Variants in THBS1 observed in about 807,000 individuals in gnomAD.
The protein encoded by THBS1 is thrombospondin-1.
In THBS1, 29 loss-of-function variants were observed where a neutral mutation model predicts 126.1. The observed-to-expected ratio is 0.23, with a 90% confidence interval of 0.17 to 0.31. THBS1 has a LOEUF of 0.31. THBS1 is among the 10% of genes least tolerant of loss of function. The probability of loss-of-function intolerance (pLI) is 1.00; values close to 1 mark genes in which losing one functional copy is unlikely to be tolerated. For synonymous variants in THBS1, 496 were observed against 577.8 expected, an observed-to-expected ratio of 0.86 and a Z score of 2.03; for missense variants, 1,198 against 1,545.2, an observed-to-expected ratio of 0.78 and a Z score of 3.77.
chr15:39,591,010 T>A (rs1373932898), intron 14 of THBS1, 181 bp from the exon 15 acceptor site: 1 of 676,800 alleles, frequency 1.5e-6, no homozygotes, highest in African/African-American at 1.8e-5. Flanking sequence ...GGATCCATTT[T>A]TTTAACTATG....
rs970025708 is a variant in THBS1, at chr15:39,582,479, C to T, written c.354C>T (p.Ser118=). The T allele has an allele frequency of 5.6e-6, 9 of 1,614,156 alleles. No homozygotes were observed. The South Asian group carries it at 6.6e-5, about 12-fold the overall frequency. The part of the protein sequence containing the change: ...ERKDHSGQVF[S]VVSNGKAGTL... ...AAGACCACTCTGGCCAGGTCTTCAG[C>T]GTGGTGTCCAATGGCAAGGCGGGCA... Residue 118 remains serine, a synonymous_variant, in exon 3 of 22, where the codon AGC becomes AGT. Transcript: ENST00000260356.
In THBS1 at chr15:39,593,724, G is replaced by A; in HGVS notation, c.3267+56G>A. 4 of 1,586,380 alleles carry A rather than the reference G, an allele frequency of 2.5e-6. No homozygotes were observed. The highest frequency in any genetic ancestry group is 3.4e-6 in the Non-Finnish European group (4 of 1,166,564). ...AGCTTATGGGTGCCTGACTAGCACT[G>A]GGGATGCTGTGCTTTGACCAAGACT... On this transcript the variant is annotated intron_variant, in intron 19 of 21. Coordinates refer to ENST00000260356, the MANE Select transcript of THBS1 (RefSeq NM_003246.4). This position sits in a 1 kb window ranked among gnomAD's most constrained non-coding sequence, Gnocchi z 5.9.
chr15:39,594,224 TAC>T lies in THBS1; in HGVS notation c.3365+30_3365+31del. 1.2e-6 allele frequency: 2 copies of T among 1,613,902 alleles called. No homozygotes were observed. Among genetic ancestry groups the T allele is most frequent in the Non-Finnish European group, 1.7e-6 (2 of 1,179,822 alleles). On this transcript the variant is annotated intron_variant, in intron 20 of 21. Transcript: ENST00000260356. The surrounding 1 kb of genome is among the most constrained non-coding windows in gnomAD (Gnocchi z 4.4). ...ACGATCATACTGATTCACTTTCACT[TAC>T]AGTCACACTGAGGGACAAAAAGACA...
Position 39,593,799 on chromosome 15 carries a change from A to G in THBS1, c.3267+131A>G. 1 of 1,340,694 alleles carries G rather than the reference A, an allele frequency of 7.5e-7. No individual in the cohort carries two copies. The highest frequency in any genetic ancestry group is 1.0e-6 in the Non-Finnish European group (1 of 981,358). The allele number at this position is 1,340,694 out of a possible 1,614,324, so 83.0% of individuals were successfully genotyped here. ...CCCAGCATCACCAGCTGCAGCATTG[A>G]ACTCTGCTTTGTAAAAACATAATAG... is the stretch of plus-strand genomic sequence containing the variant. On this transcript the variant is annotated intron_variant, in intron 19 of 21. Coordinates refer to ENST00000260356, the MANE Select transcript of THBS1 (RefSeq NM_003246.4). The surrounding 1 kb of genome is among the most constrained non-coding windows in gnomAD (Gnocchi z 5.9).
In THBS1 at chr15:39,582,238, G is replaced by T; in HGVS notation, c.113G>T (p.Gly38Val). The change falls in exon 3 of 22, where the codon GGG becomes GTG. Residue 38 changes from glycine to valine, a missense_variant. By Grantham distance (109) the Gly-to-Val change is moderately radical. Transcript: ENST00000260356. ...GTGTTTGACATCTTTGAACTCACCG[G>T]GGCCGCCCGCAAGGGGTCTGGGCGC... ...NSVFDIFELTGAARKGSGRRL... is the reference protein window; with the variant it reads ...NSVFDIFELTVAARKGSGRRL... 6.2e-7 allele frequency: 1 copy of T among 1,613,738 alleles called. No individual in the cohort carries two copies. The highest frequency in any genetic ancestry group is 8.5e-7 in the Non-Finnish European group (1 of 1,179,864).
chr15:39,591,965 A>G (rs1480960734), intron 16 of THBS1, among the ~76,000 whole-genome samples: 1 of 152,262 alleles, frequency 6.6e-6, no homozygotes, highest in Non-Finnish European at 1.5e-5. Context: ...CATATGTAAT[A>G]CTAAGAGATG....
rs1420606143 is a variant in THBS1 at position 39,597,441 on chromosome 15, T to C, written c.*2072T>C. ...GTTTCTTATGTACAAGGAACAACAA[T>C]AAATCATATGGAAATTTATATTTAT... On this transcript the variant is annotated 3_prime_UTR_variant, in exon 22 of 22. Transcript: ENST00000260356. 1 of 152,106 alleles carries C rather than the reference T, an allele frequency of 6.6e-6. No homozygotes were observed. Among genetic ancestry groups the C allele is most frequent in the Non-Finnish European group, 1.5e-5 (1 of 68,010 alleles). 9.4% of individuals were successfully genotyped at this position (152,106 alleles called of 1,614,324 possible). A position where few individuals can be genotyped will look rare whatever the true frequency, so the allele number is the denominator to read the frequency against.
In THBS1 at chr15:39,582,403, C is replaced by A. The variant is rs765604204; in HGVS notation, c.278C>A (p.Ser93Tyr). 2 of 1,613,998 alleles carry A rather than the reference C, an allele frequency of 1.2e-6. No homozygotes were observed. Among genetic ancestry groups the A allele is most frequent in the Admixed American group, 1.7e-5 (1 of 59,998 alleles). ...RAEKGFLLLASLRQMKKTRGT... is the reference protein window; with the variant it reads ...RAEKGFLLLAYLRQMKKTRGT... ...GAAAAGGGTTTCCTCCTTCTGGCATCCCTGAGGCAGATGAAGAAGACCCGG... is the reference window on the plus strand; with the variant it reads ...GAAAAGGGTTTCCTCCTTCTGGCATACCTGAGGCAGATGAAGAAGACCCGG... Residue 93 changes from serine to tyrosine, a missense_variant, in exon 3 of 22, where the codon TCC becomes TAC. By Grantham distance (144) the Ser-to-Tyr change is moderately radical. This residue lies in a region of THBS1 where 271 missense variants were observed against 277.0 expected (regional missense o/e 0.98). Transcript: ENST00000260356.
At chr15:39,587,181 C>T in intron 7 of THBS1, 166 bp from the exon 8 acceptor site, 1 of 553,626 alleles carries the variant, frequency 1.8e-6, no homozygotes, top group Non-Finnish European at 3.0e-6. Context: ...TCACATTATA[C>T]ACCTTAAATG....
At position 39,595,681 on chromosome 15, in the gene THBS1, G is replaced by C; in HGVS notation, c.*312G>C. The C allele has an allele frequency of 1.8e-6, 1 of 553,286 alleles. No homozygotes were observed. Among genetic ancestry groups the C allele is most frequent in the Non-Finnish European group, 3.4e-6 (1 of 290,350 alleles). 34.3% of individuals were successfully genotyped at this position (553,286 alleles called of 1,614,324 possible). A position where few individuals can be genotyped will look rare whatever the true frequency, so the allele number is the denominator to read the frequency against. Reference sequence around the variant, plus strand: ...CCCATTCCACTCTGCCTTTGTCACAGAGCAGGGTGCTATTGTGAGGCCATC... The same window carrying C: ...CCCATTCCACTCTGCCTTTGTCACACAGCAGGGTGCTATTGTGAGGCCATC... On this transcript the variant is annotated 3_prime_UTR_variant, in exon 22 of 22. Transcript: ENST00000260356.
Position 39,593,836 on chromosome 15 carries a change from G to T in THBS1, c.3267+168G>T. 1 of 1,146,304 alleles carries T rather than the reference G, an allele frequency of 8.7e-7. No homozygotes were observed. 71.0% of individuals were successfully genotyped at this position (1,146,304 alleles called of 1,614,324 possible). Reference sequence around the variant, plus strand: ...TAAAAACATAATAGTGTTGAAAAGGGAGCTTGACCAAGAATTGCCCTGCAA... The same window carrying T: ...TAAAAACATAATAGTGTTGAAAAGGTAGCTTGACCAAGAATTGCCCTGCAA... On this transcript the variant is annotated intron_variant, in intron 19 of 21. Transcript: ENST00000260356. This position sits in a 1 kb window ranked among gnomAD's most constrained non-coding sequence, Gnocchi z 5.9.
chr15:39,591,552 C>CAG lies in THBS1; in HGVS notation c.2467_2468dup (p.Asp823GlufsTer141). On this transcript the variant is annotated frameshift_variant, in exon 16 of 22. Coordinates refer to ENST00000260356, the MANE Select transcript of THBS1 (RefSeq NM_003246.4). LOFTEE classifies it high-confidence loss of function. ...CTGCCAGTACGTCTACAATGTGGACCAGAGAGACACTGATATGGATGGGGT... is the reference window on the plus strand; with the variant it reads ...CTGCCAGTACGTCTACAATGTGGACCAGAGAGAGACACTGATATGGATGGGGT... 6.2e-7 allele frequency: 1 copy of CAG among 1,614,180 alleles called. No homozygotes were observed. The highest frequency in any genetic ancestry group is 8.5e-7 in the Non-Finnish European group (1 of 1,180,030).
rs770788788 is a variant in THBS1 at position 39,588,108 on chromosome 15, G to C, written c.1361G>C (p.Gly454Ala). 95 of 1,614,116 alleles carry C rather than the reference G, an allele frequency of 5.9e-5. 1 individual carries two copies. The South Asian group carries it at 9.1e-4, about 15-fold the overall frequency. The change falls in exon 9 of 22, where the codon GGT becomes GCT. Residue 454 changes from glycine (G) to alanine (A), a missense_variant. Transcript: ENST00000260356. ...WSSCSVTCGD[G>A]VITRIRLCNS... ...TCTTGTTCTGTGACATGTGGTGATGGTGTGATCACAAGGATCCGGCTCTGC... is the reference window on the plus strand; with the variant it reads ...TCTTGTTCTGTGACATGTGGTGATGCTGTGATCACAAGGATCCGGCTCTGC...
At position 39,598,200 on chromosome 15, in the gene THBS1, T is replaced by G. The variant is rs1307543531; in HGVS notation, c.*2831T>G. ...AATGAAAACAGATCAAAGAAGAAAT[T>G]TTATGAGTAGGTTAAAGGTCTGGCT... is the stretch of plus-strand genomic sequence containing the variant. On this transcript the variant is annotated 3_prime_UTR_variant, in exon 22 of 22. Coordinates refer to ENST00000260356, the MANE Select transcript of THBS1 (RefSeq NM_003246.4). The G allele has an allele frequency of 6.6e-6, 1 of 152,118 alleles. No individual in the cohort carries two copies. The highest frequency in any genetic ancestry group is 1.5e-5 in the Non-Finnish European group (1 of 68,020). 9.4% of individuals were successfully genotyped at this position (152,118 alleles called of 1,614,324 possible).
rs956018666 is a variant in THBS1 at position 39,597,062 on chromosome 15, T to A, written c.*1693T>A. On this transcript the variant is annotated 3_prime_UTR_variant, in exon 22 of 22. Transcript: ENST00000260356. ...ATAGCATTGAAATGTTAAATACAAT[T>A]TCTGAAAGTTATGTTTTTTTTCTAT... The A allele has an allele frequency of 6.6e-6, 1 of 152,192 alleles. No homozygotes were observed. The allele number at this position is 152,192 out of a possible 1,614,324, so 9.4% of individuals were successfully genotyped here.
In THBS1 at chr15:39,591,178, C is replaced by G; in HGVS notation, c.2254-13C>G. ...GACAACATTGTTAAGTGCTCCATTTCTTCTCTTTGCAGGACAACTGTCCAT... is the reference window on the plus strand; with the variant it reads ...GACAACATTGTTAAGTGCTCCATTTGTTCTCTTTGCAGGACAACTGTCCAT... On this transcript the variant is annotated splice_polypyrimidine_tract_variant and intron_variant, in intron 14 of 21. Coordinates refer to ENST00000260356, the MANE Select transcript of THBS1 (RefSeq NM_003246.4). The G allele has an allele frequency of 1.9e-6, 3 of 1,612,100 alleles. No individual in the cohort carries two copies. Among genetic ancestry groups the G allele is most frequent in the Non-Finnish European group, 2.5e-6 (3 of 1,178,784 alleles).
chr15:39,582,814 G>A (rs893249523), intron 3 of THBS1, 62 bp downstream of exon 3: 9 of 1,512,424 alleles, frequency 6.0e-6, no homozygotes, highest in Non-Finnish European at 8.0e-6. Flanking sequence ...GACCTGCCAG[G>A]AGGGCTACAG....
At chr15:39,584,847 C>T (rs1249887677) in intron 6 of THBS1, among the ~76,000 whole-genome samples, 1 of 152,158 alleles carries the variant, frequency 6.6e-6, no homozygotes, top group African/African-American at 2.4e-5. Context: ...TAGGATGTTA[C>T]TGTCTGCTTT....
chr15:39,581,831 T>A lies in THBS1; in HGVS notation c.-27T>A. 6.2e-7 allele frequency: 1 copy of A among 1,609,276 alleles called. No homozygotes were observed. The highest frequency in any genetic ancestry group is 1.1e-5 in the South Asian group (1 of 90,926). On this transcript the variant is annotated splice_region_variant and 5_prime_UTR_variant, in exon 2 of 22. Coordinates refer to ENST00000260356, the MANE Select transcript of THBS1 (RefSeq NM_003246.4). The stretch of plus-strand genomic sequence containing the variant: ...GGCTCTTGTGCTTCCTGCTACAGGA[T>A]CCCTGCTGGGCACCAACAGCTCCAC...
Sources: allele counts gnomAD v4.1 joint callset (sites outside exome capture counted in the v4.1 genomes callset), GRCh38; gene constraint gnomAD v4.1.1; regional missense constraint gnomAD v4.1.1; non-coding constraint Gnocchi (gnomAD v3.1); transcripts MANE v1.5; gene names NCBI Gene and HGNC (gene_info 2026-07-23, HGNC 2026-07-21).